The following ANKS3 variants were observed in gnomAD, a reference collection of about 807,000 sequenced individuals.
ANKS3 encodes ankyrin repeat and SAM domain-containing protein 3.
A neutral mutation model predicts 80.7 loss-of-function variants in ANKS3; 62 were observed. The observed-to-expected ratio is 0.77, with a 90% CI of 0.63 to 0.95. The LOEUF (loss-of-function observed/expected upper bound fraction) is 0.95, where lower values mean the gene tolerates loss of function less well. Ranked by LOEUF, ANKS3 falls within the 40% of genes least tolerant of loss-of-function variation. The pLI, the probability that ANKS3 is intolerant of heterozygous loss-of-function variation, is 0.00. For missense variants in ANKS3, 1,150 were observed against 883.6 expected, an observed-to-expected ratio of 1.30 and a Z score of -3.82; for synonymous variants, 489 against 355.3, an observed-to-expected ratio of 1.38 and a Z score of -4.23.
At chr16:4,729,377 T>A (rs2081512588) in intron 3 of ANKS3, 1 of 152,240 alleles carries the variant, frequency 6.6e-6, no homozygotes, top group Admixed American at 6.5e-5. Context: ...TTTTTTGTTT[T>A]TGAGACAGAG....
At chr16:4,722,644 G>A (rs547161578) in intron 6 of ANKS3, among the ~76,000 whole-genome samples, 3 of 151,370 alleles carry the variant, frequency 2.0e-5, no homozygotes, top group East Asian at 1.9e-4. Context: ...CTGGCTGGGC[G>A]CAGTGGCTTA....
intron 6 of ANKS3, among the ~76,000 whole-genome samples, chr16:4,714,695 C>G (rs2080688893): frequency 6.6e-6 from 1 of 152,182 alleles, no homozygotes; most frequent in Non-Finnish European, 1.5e-5. Context: ...CTTTAGTGCA[C>G]AAAGATGTTT....
chr16:4,713,690 G>A (rs1225444041), intron 7 of ANKS3, among the ~76,000 whole-genome samples: 2 of 152,158 alleles, frequency 1.3e-5, no homozygotes, highest in Admixed American at 6.6e-5. Flanking sequence ...TATCAATACT[G>A]TTTTTAAGGA....
intron 11 of ANKS3, 153 bp from the exon 12 acceptor site, chr16:4,699,329 C>T (rs964874277): frequency 4.6e-6 from 5 of 1,083,822 alleles, no homozygotes; most frequent in African/African-American, 1.6e-5. Flanking sequence ...ACTCTGGTGG[C>T]TCAGGCAGGG....
intron 7 of ANKS3, among the ~76,000 whole-genome samples, chr16:4,713,705 G>C (rs1392145974): frequency 1.3e-5 from 2 of 152,198 alleles, no homozygotes; most frequent in African/African-American, 2.4e-5. Flanking sequence ...TAAGGAGCTA[G>C]ACAAGTTGAT....
At chr16:4,714,338 T>C in intron 6 of ANKS3, 152 bp from the exon 7 acceptor site, 1 of 1,159,016 alleles carries the variant, frequency 8.6e-7, no homozygotes, top group Non-Finnish European at 1.2e-6. Flanking sequence ...AGAGGCAGGC[T>C]TGTCTGCACC....
rs574384645 is a variant in ANKS3 at position 4,716,448 on chromosome 16, G to T, written c.574-2262C>A. Reference sequence around the variant, plus strand: ...ACTGTCTCTCCCGTTAGACCAGGGGGCCTCAACCTTGACCCCCATATGTAG... The same window carrying T: ...ACTGTCTCTCCCGTTAGACCAGGGGTCCTCAACCTTGACCCCCATATGTAG... On this transcript the variant is annotated intron_variant, in intron 6 of 17. Transcript: ENST00000304283. Among the ~76,000 whole-genome samples, 99 of 151,982 alleles carry T rather than the reference G, an allele frequency of 6.5e-4. 1 individual carries two copies. Among genetic ancestry groups the T allele is most frequent in the Middle Eastern group, 3.4e-3 (1 of 292 alleles).
At position 4,701,128 on chromosome 16, in the gene ANKS3, C is replaced by G. The variant is rs2079876490; in HGVS notation, c.1126G>C (p.Asp376His). Reference protein sequence around the residue: ...EASVESNEDSDHACKSSARKQ... With the variant: ...EASVESNEDSHHACKSSARKQ... The stretch of plus-strand genomic sequence containing the variant: ...CGAGCTGAGCTTTTACAGGCATGAT[C>G]CGAGTCCTGCAGTGAGAGGCGTGCA... Residue 376 changes from aspartate to histidine, a missense_variant, in exon 11 of 18, where the codon GAT (aspartate) becomes CAT (histidine). Physicochemically the swap from Asp to His is moderately conservative, Grantham distance 81 (BLOSUM62 -1). Transcript: ENST00000304283. The G allele has an allele frequency of 6.2e-7, 1 of 1,613,872 alleles. No individual in the cohort carries two copies. The highest frequency in any genetic ancestry group is 1.7e-5 in the Admixed American group (1 of 60,008).
chr16:4,715,234 G>A (rs551872796), intron 6 of ANKS3, among the ~76,000 whole-genome samples: 2 of 152,124 alleles, frequency 1.3e-5, no homozygotes, highest in South Asian at 2.1e-4. Context: ...CGGCTCAGGA[G>A]TTGGACAACA....
At chr16:4,731,679 T>G (rs764969910) in intron 1 of ANKS3, 100 bp from the exon 2 acceptor site, 97 of 650,974 alleles carry the variant, frequency 1.5e-4, no homozygotes, top group Non-Finnish European at 1.8e-4. Context: ...TAGAAAGCAA[T>G]TCCCCAACAG....
intron 8 of ANKS3, among the ~76,000 whole-genome samples, chr16:4,703,961 C>T (rs2080053934): frequency 2.0e-5 from 3 of 152,196 alleles, no homozygotes; most frequent in African/African-American, 4.8e-5. Flanking sequence ...TCCTTCCTGT[C>T]CCCACCACAC....
In ANKS3 at chr16:4,696,781, G is replaced by A. The variant is rs1466817338; in HGVS notation, c.*127C>T. 5.2e-6 allele frequency: 3 copies of A among 576,390 alleles called. No homozygotes were observed. Among genetic ancestry groups the A allele is most frequent in the Non-Finnish European group, 9.3e-6 (3 of 322,358 alleles). 35.7% of individuals were successfully genotyped at this position (576,390 alleles called of 1,614,324 possible). A position where few individuals can be genotyped will look rare whatever the true frequency, so the allele number is the denominator to read the frequency against. ...GCCTCTGTCTGCCGGCTGCTCCCGG[G>A]GCCTGATCCTCTGGCCCCCACTGGG... is the stretch of plus-strand genomic sequence containing the variant. On this transcript the variant is annotated 3_prime_UTR_variant, in exon 18 of 18. Transcript: ENST00000304283.
chr16:4,701,745 A>AT, intron 9 of ANKS3: 1 of 535,554 alleles, frequency 1.9e-6, no homozygotes, highest in Non-Finnish European at 3.3e-6. Flanking sequence ...TTCACTGATA[A>AT]ATCCCAAGCA....
chr16:4,716,661 T>C (rs2080815240), intron 6 of ANKS3, among the ~76,000 whole-genome samples: 1 of 152,198 alleles, frequency 6.6e-6, no homozygotes, highest in South Asian at 2.1e-4. Context: ...CTCACGCCTG[T>C]AATCCCAGCA....
At chr16:4,704,757 C>T (rs1002043131) in intron 8 of ANKS3, among the ~76,000 whole-genome samples, 6 of 152,216 alleles carry the variant, frequency 3.9e-5, no homozygotes, top group African/African-American at 1.4e-4. Flanking sequence ...TCACGCTTTG[C>T]CTCCTCCCTG....
chr16:4,698,771 GC>G lies in ANKS3; in HGVS notation c.1551+28del, dbSNP rs552380747. 2.4e-4 allele frequency: 378 copies of G among 1,572,834 alleles called. 2 individuals are homozygous for G. In the African/African-American group the frequency reaches 3.7e-3, roughly 16 times the overall value. On this transcript the variant is annotated intron_variant, in intron 13 of 17. Transcript: ENST00000304283. ...GGAGCCAACTCACGGGTGTCACCCT[GC>G]CCCCCCATCCCCCACCCAGCCACTC...
rs2081105438 is a variant in ANKS3 at position 4,721,639 on chromosome 16, T to TTTAC, written c.573+3110_573+3111insGTAA. On this transcript the variant is annotated intron_variant, in intron 6 of 17. Coordinates refer to ENST00000304283, the MANE Select transcript of ANKS3 (RefSeq NM_133450.4). ...ATTGATTTATTGATTTATTTATTTA[T>TTTAC]TTATTTATTTATTTATTTAGAGATA... 2.7e-5 allele frequency among the ~76,000 whole-genome samples: 4 copies of TTTAC among 150,162 alleles called. 1 individual carries two copies. The South Asian group carries it at 8.6e-4, about 32-fold the overall frequency.
chr16:4,731,582 G>A lies in ANKS3; in HGVS notation c.-70-3C>T. ...AGGCGTGAGCCACTGCACCTGGCCTGTAAATTTTAAATATAAATTAATTTT... is the reference window on the plus strand; with the variant it reads ...AGGCGTGAGCCACTGCACCTGGCCTATAAATTTTAAATATAAATTAATTTT... On this transcript the variant is annotated splice_region_variant and splice_polypyrimidine_tract_variant and intron_variant, in intron 1 of 17. Coordinates refer to ENST00000304283, the MANE Select transcript of ANKS3 (RefSeq NM_133450.4). 2.2e-6 allele frequency: 2 copies of A among 915,492 alleles called. No homozygotes were observed. The highest frequency in any genetic ancestry group is 5.0e-5 in the South Asian group (1 of 19,946). The allele number at this position is 915,492 out of a possible 1,614,324, so 56.7% of individuals were successfully genotyped here.
chr16:4,701,042 A>G lies in ANKS3; in HGVS notation c.1212T>C (p.Ala404=). 4 of 1,614,092 alleles carry G rather than the reference A, an allele frequency of 2.5e-6. No homozygotes were observed. The highest frequency in any genetic ancestry group is 3.4e-6 in the Non-Finnish European group (4 of 1,180,004). Residue 404 remains alanine (A), a synonymous_variant, in exon 11 of 18, where the codon GCT becomes GCC. Transcript: ENST00000304283. ...KNPDSQWPPR[A]ATDREGFLAE... is the part of the protein sequence containing the mutation. ...CGAGAAAGCCTTCCCTGTCAGTTGCAGCGCGGGGAGGCCACTGGCTGTCAG... is the reference window on the plus strand; with the variant it reads ...CGAGAAAGCCTTCCCTGTCAGTTGCGGCGCGGGGAGGCCACTGGCTGTCAG...
Sources: allele counts gnomAD v4.1 joint callset (sites outside exome capture counted in the v4.1 genomes callset), GRCh38; gene constraint gnomAD v4.1.1; transcripts MANE v1.5; gene names NCBI Gene and HGNC (gene_info 2026-07-23, HGNC 2026-07-21).